RYR3: variants seen among roughly 807,000 people sequenced by gnomAD.
RYR3 encodes the protein brain ryanodine receptor-calcium release channel.
A neutral mutation model predicts 584.3 loss-of-function variants in RYR3; 207 were observed. The observed-to-expected ratio is 0.35, with a 90% CI of 0.32 to 0.40. The LOEUF (loss-of-function observed/expected upper bound fraction) is 0.40, where lower values mean the gene tolerates loss of function less well. Ranked by LOEUF, RYR3 falls within the 10% of genes least tolerant of loss-of-function variation. The pLI is 1.00. For missense variants in RYR3, 5,616 were observed against 6,089.2 expected (o/e 0.92, Z 2.59); for synonymous variants, 2,416 against 2,248.5 (o/e 1.07, Z -2.11).
chr15:33,516,060 AC>A (rs1567422783), intron 3 of RYR3, among the ~76,000 whole-genome samples: 1 of 152,120 alleles, frequency 6.6e-6, no homozygotes, highest in African/African-American at 2.4e-5. Flanking sequence ...TAACAAAAAA[AC>A]CTTTATTATG....
chr15:33,842,010 T>C lies in RYR3; in HGVS notation c.13184T>C (p.Leu4395Pro). ...EAFTANFFKGLEIYQTKLLHY... is the reference protein window; with the variant it reads ...EAFTANFFKGPEIYQTKLLHY... ...TTCACAGCCAATTTCTTTAAAGGGC[T>C]GGAAATCTATCAGACCAAGTTACTG... Residue 4395 changes from leucine to proline, a missense_variant, in exon 91 of 104, where the codon CTG becomes CCG. Around this residue, in one of 9 missense-constraint regions of RYR3, gnomAD observed 918 missense variants for 887.4 expected, o/e 1.03. Transcript: ENST00000634891. The C allele has an allele frequency of 6.2e-7, 1 of 1,602,448 alleles. No homozygotes were observed. Among genetic ancestry groups the C allele is most frequent in the Non-Finnish European group, 8.5e-7 (1 of 1,174,280 alleles).
In RYR3 at chr15:33,853,083, G is replaced by C. The variant is rs1277621477; in HGVS notation, c.13667G>C (p.Arg4556Thr). The C allele has an allele frequency of 2.5e-6, 4 of 1,598,432 alleles. No individual in the cohort carries two copies. Among genetic ancestry groups the C allele is most frequent in the Non-Finnish European group, 3.4e-6 (4 of 1,174,286 alleles). The change falls in exon 95 of 104, where the codon AGA becomes ACA. Residue 4556 changes from arginine to threonine, a missense_variant. Physicochemically the swap from Arg to Thr is moderately conservative, Grantham distance 71. Transcript: ENST00000634891. ...AACTACTGGGACAAGTTTGTAAAGA[G>C]AAAGGTATGCCTTGTTAGTGGGGGT... ...PNNYWDKFVK[R>T]KVINKYGDLY...
rs61503360 is a variant in RYR3, at chr15:33,725,976, C to CAAAA, written c.6913-392_6913-389dup. On this transcript the variant is annotated intron_variant, in intron 45 of 103. Coordinates refer to ENST00000634891, the MANE Select transcript of RYR3 (RefSeq NM_001036.6). ...CAGAGCAAGACTCCATCCCCCCCCC[C>CAAAA]AAAAAAAAAAAAAAAAAAAAACAGA... 2.1e-3 allele frequency among the ~76,000 whole-genome samples: 65 copies of CAAAA among 31,454 alleles called. 1 individual carries two copies. Among genetic ancestry groups the CAAAA allele is most frequent in the South Asian group, 4.2e-3 (3 of 712 alleles). 20.6% of individuals were successfully genotyped at this position (31,454 alleles called of 152,430 possible).
chr15:33,591,415 T>C (rs2059124934), intron 16 of RYR3, among the ~76,000 whole-genome samples: 1 of 151,054 alleles, frequency 6.6e-6, no homozygotes, highest in Non-Finnish European at 1.5e-5. Context: ...AGCTAAGATG[T>C]TGTACATGGC....
At position 33,738,571 on chromosome 15, in the gene RYR3, T is replaced by C; in HGVS notation, c.7637T>C (p.Phe2546Ser). ...HLTEKLFWGI[F>S]DSLSHKKYDP... ...ACGGAGAAGCTTTTCTGGGGGATTT[T>C]TGACTCGCTCTCCCATAAGGTAATG... is the stretch of plus-strand genomic sequence containing the variant. The change falls in exon 50 of 104, where the codon TTT becomes TCT. Residue 2546 changes from phenylalanine to serine, a missense_variant. Coordinates refer to ENST00000634891, the MANE Select transcript of RYR3 (RefSeq NM_001036.6). The C allele has an allele frequency of 6.2e-7, 1 of 1,613,952 alleles. No individual in the cohort carries two copies. Among genetic ancestry groups the C allele is most frequent in the Non-Finnish European group, 8.5e-7 (1 of 1,179,862 alleles).
Position 33,739,868 on chromosome 15 carries a change from T to C in RYR3, c.7693T>C (p.Cys2565Arg), listed in dbSNP as rs1398597488. 1 of 1,613,798 alleles carries C rather than the reference T, an allele frequency of 6.2e-7. No individual in the cohort carries two copies. The highest frequency in any genetic ancestry group is 1.1e-5 in the South Asian group (1 of 91,012). Reference sequence around the variant, plus strand: ...AGATCTTTTCCGAATGGCCCTGCCTTGTCTCAGTGCTATAGCTGGGGCCTT... The same window carrying C: ...AGATCTTTTCCGAATGGCCCTGCCTCGTCTCAGTGCTATAGCTGGGGCCTT... ...DPDLFRMALP[C>R]LSAIAGALPP... Residue 2565 changes from cysteine (C) to arginine (R), a missense_variant, in exon 51 of 104, where the codon TGT (cysteine) becomes CGT (arginine). Cys to Arg is a radical substitution (Grantham distance 180). Transcript: ENST00000634891.
intron 1 of RYR3, among the ~76,000 whole-genome samples, chr15:33,381,698 C>T (rs746079168): frequency 2.6e-5 from 4 of 152,176 alleles, no homozygotes; most frequent in Admixed American, 6.5e-5. Flanking sequence ...TTCTGCAAGA[C>T]GCATGGCTGA....
chr15:33,843,651 A>C, intron 92 of RYR3, 77 bp downstream of exon 92: 1 of 1,031,572 alleles, frequency 9.7e-7, no homozygotes, highest in South Asian at 1.4e-5. Flanking sequence ...GAATCATGAC[A>C]GAATTTGTGC....
At chr15:33,787,180 G>T (rs1347799406) in intron 66 of RYR3, among the ~76,000 whole-genome samples, 1 of 152,080 alleles carries the variant, frequency 6.6e-6, no homozygotes, top group Non-Finnish European at 1.5e-5. Context: ...CTTACTTCTT[G>T]GTGACTAAAC....
At chr15:33,464,584 T>C (rs554070096) in intron 1 of RYR3, among the ~76,000 whole-genome samples, 75 of 148,746 alleles carry the variant, frequency 5.0e-4, no homozygotes, top group African/African-American at 1.8e-3. Flanking sequence ...ATATATAATG[T>C]ATATAATGCA....
At chr15:33,816,231 C>A (rs1409442889) in intron 74 of RYR3, among the ~76,000 whole-genome samples, 1 of 152,206 alleles carries the variant, frequency 6.6e-6, no homozygotes, top group Non-Finnish European at 1.5e-5. Context: ...AGAAGTCAAT[C>A]CTGGCTTATC....
intron 3 of RYR3, among the ~76,000 whole-genome samples, chr15:33,509,028 T>C (rs1017135587): frequency 6.6e-5 from 10 of 152,196 alleles, no homozygotes; most frequent in South Asian, 2.1e-4. Flanking sequence ...TTAGAGTGCA[T>C]GTCATGAGAT....
At chr15:33,862,665 C>T (rs181443562) in intron 102 of RYR3, among the ~76,000 whole-genome samples, 79 of 152,210 alleles carry the variant, frequency 5.2e-4, no homozygotes, top group African/African-American at 1.9e-3. Flanking sequence ...GGCTGAAGTG[C>T]AGTGGCGCCA....
intron 3 of RYR3, among the ~76,000 whole-genome samples, chr15:33,523,043 G>A (rs2054122163): frequency 1.3e-5 from 2 of 152,296 alleles, no homozygotes; most frequent in Admixed American, 6.5e-5. Context: ...GAAGCCAGCT[G>A]GGCTTCTGGG....
intron 2 of RYR3, among the ~76,000 whole-genome samples, chr15:33,495,480 G>A (rs1400275747): frequency 2.0e-5 from 3 of 152,200 alleles, no homozygotes; most frequent in East Asian, 1.9e-4. Context: ...AAGCACTGGT[G>A]TAAGGGATAG....
chr15:33,671,528 A>G (rs1483185882), intron 38 of RYR3, among the ~76,000 whole-genome samples: 1 of 152,026 alleles, frequency 6.6e-6, no homozygotes, highest in East Asian at 1.9e-4. Context: ...AAATCTCACC[A>G]TTTGTCATCG....
intron 25 of RYR3, among the ~76,000 whole-genome samples, chr15:33,635,318 TTTC>T (rs1265121364): frequency 6.6e-6 from 1 of 152,204 alleles, no homozygotes; most frequent in Non-Finnish European, 1.5e-5. Context: ...TGAGCCTGAA[TTTC>T]TTCATCAGTA....
chr15:33,846,803 T>G (rs1201274563), intron 93 of RYR3, among the ~76,000 whole-genome samples: 1 of 152,186 alleles, frequency 6.6e-6, no homozygotes, highest in Non-Finnish European at 1.5e-5. Context: ...ATGAGTACTG[T>G]TGCTAAAGTT....
intron 31 of RYR3, among the ~76,000 whole-genome samples, chr15:33,652,395 CTT>C (rs1367796566): frequency 6.6e-6 from 1 of 152,138 alleles, no homozygotes; most frequent in African/African-American, 2.4e-5. Context: ...TTTCCCGTCT[CTT>C]TGGTGGGATA....
Sources: gnomAD v4.1 joint callset for allele counts (sites outside exome capture counted in the v4.1 genomes callset) on GRCh38, gnomAD v4.1.1 for gene constraint, gnomAD v4.1.1 regional missense constraint, MANE v1.5 for transcripts, NCBI Gene and HGNC (gene_info 2026-07-23, HGNC 2026-07-21) for gene names.